MACROD2: variants seen among roughly 807,000 people sequenced by gnomAD.
The protein encoded by MACROD2 is ADP-ribose glycohydrolase MACROD2.
In MACROD2, 36 loss-of-function variants were observed where a neutral mutation model predicts 70.4. That is an observed-to-expected ratio of 0.51 (90% confidence interval 0.39 to 0.68). The LOEUF (loss-of-function observed/expected upper bound fraction) is 0.68. MACROD2 is among the 30% of genes least tolerant of loss of function. The pLI is 0.00. For missense variants in MACROD2, 496 were observed against 538.4 expected, an observed-to-expected ratio of 0.92 and a Z score of 0.78; for synonymous variants, 172 against 178.8, an observed-to-expected ratio of 0.96 and a Z score of 0.30.
At chr20:14,139,557 A>G (rs954765443) in intron 3 of MACROD2, among the ~76,000 whole-genome samples, 4 of 152,214 alleles carry the variant, frequency 2.6e-5, no homozygotes, top group Admixed American at 1.3e-4. Flanking sequence ...CAATTTTTTA[A>G]GCTGTAAGGT....
intron 4 of MACROD2, among the ~76,000 whole-genome samples, chr20:14,604,370 C>T (rs1023681938): frequency 1.3e-5 from 2 of 152,146 alleles, no homozygotes; most frequent in Non-Finnish European, 2.9e-5. Flanking sequence ...AATATTTATT[C>T]ACTATTGATT....
chr20:15,189,464 G>A (rs761109975), intron 5 of MACROD2, among the ~76,000 whole-genome samples: 5 of 152,032 alleles, frequency 3.3e-5, no homozygotes, highest in Admixed American at 6.6e-5. Context: ...AATTTCACTT[G>A]TAGCTGTGTT....
At chr20:15,337,036 A>T (rs1341908553) in intron 6 of MACROD2, among the ~76,000 whole-genome samples, 2 of 151,698 alleles carry the variant, frequency 1.3e-5, no homozygotes, top group Admixed American at 6.6e-5. Context: ...TTTCTGAAAC[A>T]TCTATAATAG....
intron 6 of MACROD2, among the ~76,000 whole-genome samples, chr20:15,347,792 A>C (rs567591958): frequency 6.6e-6 from 1 of 152,332 alleles, no homozygotes; most frequent in Admixed American, 6.5e-5. Context: ...CCACTAGTAC[A>C]TCTTCTAACT....
At chr20:14,445,343 C>A (rs1600244098) in intron 3 of MACROD2, among the ~76,000 whole-genome samples, 2 of 152,236 alleles carry the variant, frequency 1.3e-5, no homozygotes, top group East Asian at 3.9e-4. Context: ...TTATGGACAA[C>A]TTCTGAACCC....
intron 6 of MACROD2, among the ~76,000 whole-genome samples, chr20:15,342,225 CAT>C (rs1397681087): frequency 2.0e-4 from 31 of 152,232 alleles, no homozygotes; most frequent in Admixed American, 3.9e-4. Context: ...TTTTGAGACA[CAT>C]GTTTTCTGCA....
At chr20:15,647,194 G>A (rs2049561146) in intron 8 of MACROD2, among the ~76,000 whole-genome samples, 1 of 152,228 alleles carries the variant, frequency 6.6e-6, no homozygotes. Flanking sequence ...CTCCCAGCCT[G>A]GGAGTACAAA....
At chr20:15,403,945 C>T (rs1291981780) in intron 6 of MACROD2, among the ~76,000 whole-genome samples, 1 of 152,122 alleles carries the variant, frequency 6.6e-6, no homozygotes, top group African/African-American at 2.4e-5. Context: ...ATGTATAAAG[C>T]AATAGAGCAA....
chr20:14,264,346 A>T (rs189459656), intron 3 of MACROD2, among the ~76,000 whole-genome samples: 112 of 152,270 alleles, frequency 7.4e-4, no homozygotes, highest in African/African-American at 2.5e-3. Flanking sequence ...TGGAAGGGGA[A>T]CAGTTCTAAG....
At chr20:15,312,113 G>A (rs754216979) in intron 6 of MACROD2, among the ~76,000 whole-genome samples, 1 of 152,076 alleles carries the variant, frequency 6.6e-6, no homozygotes, top group Middle Eastern at 3.4e-3. Flanking sequence ...AACGTTAAAG[G>A]AAAAGTGTCA....
At chr20:14,404,162 TGAAA>T (rs2122845609) in intron 3 of MACROD2, among the ~76,000 whole-genome samples, 1 of 152,046 alleles carries the variant, frequency 6.6e-6, no homozygotes, top group African/African-American at 2.4e-5. Context: ...ACACAACACA[TGAAA>T]GAGAGATTAA....
intron 3 of MACROD2, among the ~76,000 whole-genome samples, chr20:14,418,514 A>T (rs1368761264): frequency 3.3e-5 from 5 of 152,192 alleles, no homozygotes. Context: ...AGTTGAAGGG[A>T]TCCGTGGAGA....
At chr20:14,040,396 T>C (rs1276767375) in intron 2 of MACROD2, among the ~76,000 whole-genome samples, 1 of 152,212 alleles carries the variant, frequency 6.6e-6, no homozygotes, top group African/African-American at 2.4e-5. Flanking sequence ...TTTTTTTAGC[T>C]TAATCTGTTC....
intron 6 of MACROD2, among the ~76,000 whole-genome samples, chr20:15,331,932 A>G (rs2146192179): frequency 6.6e-6 from 1 of 151,748 alleles, no homozygotes; most frequent in Non-Finnish European, 1.5e-5. Flanking sequence ...CTGCAATAGT[A>G]GTTAAAAAGA....
chr20:14,454,749 C>CTTTTTTTTTTTTTTTTTTTTT (rs11087091), intron 3 of MACROD2, among the ~76,000 whole-genome samples: 1 of 80,626 alleles, frequency 1.2e-5, no homozygotes, highest in Non-Finnish European at 2.2e-5. Context: ...TCTCTACACT[C>CTTTTTTTTTTTTTTTTTTTTT]TTTTTTTTTT....
intron 11 of MACROD2, among the ~76,000 whole-genome samples, chr20:15,936,254 T>C (rs2065658032): frequency 6.7e-6 from 1 of 149,078 alleles, no homozygotes; most frequent in South Asian, 2.1e-4. Flanking sequence ...TATATATGCA[T>C]ATGTAATGTG....
intron 5 of MACROD2, among the ~76,000 whole-genome samples, chr20:15,080,503 C>T (rs937352828): frequency 6.6e-6 from 1 of 152,140 alleles, no homozygotes; most frequent in Non-Finnish European, 1.5e-5. Context: ...CTCCTTCCTC[C>T]TACTCTCTTT....
chr20:15,431,391 T>C lies in MACROD2; in HGVS notation c.541-14T>C. The C allele has an allele frequency of 6.2e-7, 1 of 1,607,004 alleles. No individual in the cohort carries two copies. The highest frequency in any genetic ancestry group is 8.5e-7 in the Non-Finnish European group (1 of 1,174,284). ...TCTTTAATATTCATTGTTATTTTTG[T>C]GGTTTATTCACAGGCATTTCCCTGC... On this transcript the variant is annotated splice_polypyrimidine_tract_variant and intron_variant, in intron 6 of 17. Transcript: ENST00000684519.
At chr20:15,382,817 G>A (rs1054627117) in intron 6 of MACROD2, among the ~76,000 whole-genome samples, 5 of 152,150 alleles carry the variant, frequency 3.3e-5, no homozygotes. Flanking sequence ...CAGTAATTAG[G>A]ACAGGCCCTA....
Sources: allele counts gnomAD v4.1 joint callset (sites outside exome capture counted in the v4.1 genomes callset), GRCh38; gene constraint gnomAD v4.1.1; transcripts MANE v1.5; gene names NCBI Gene and HGNC (gene_info 2026-07-23, HGNC 2026-07-21).